Variants in CCDC171 observed in about 807,000 individuals in gnomAD.
CCDC171 encodes coiled-coil domain-containing protein 171.
A neutral mutation model predicts 168.2 loss-of-function variants in CCDC171; 177 were observed. The ratio of observed to expected loss-of-function variants is 1.05; its 90% confidence interval spans 0.93 to 1.19. The LOEUF is 1.19. Among genes scored for constraint, CCDC171 ranks in the 50% most tolerant of loss-of-function variants. The pLI, the probability that CCDC171 is intolerant of heterozygous loss-of-function variation, is 0.00. For synonymous variants in CCDC171, 687 were observed against 540.8 expected, an observed-to-expected ratio of 1.27 and a Z score of -3.75; for missense variants, 1,991 against 1,539.0, an observed-to-expected ratio of 1.29 and a Z score of -4.91.
At chr9:15,913,092 G>C (rs114536933) in intron 24 of CCDC171, among the ~76,000 whole-genome samples, 3,689 of 152,224 alleles carry the variant, frequency 0.024, 158 homozygotes, top group African/African-American at 0.085. Context: ...TCTCTTGTTT[G>C]GAATAGTTTC....
intron 3 of CCDC171, among the ~76,000 whole-genome samples, chr9:15,997,459 G>T (rs889532808): frequency 1.3e-5 from 2 of 152,160 alleles, no homozygotes; most frequent in African/African-American, 2.4e-5. Flanking sequence ...GTTGAAGGGA[G>T]TTCAGAGTGG....
intron 1 of CCDC171, among the ~76,000 whole-genome samples, chr9:16,059,807 C>T (rs868513771): frequency 8.6e-5 from 13 of 151,600 alleles, no homozygotes; most frequent in African/African-American, 2.4e-4. Flanking sequence ...AGCCACCGCG[C>T]CTGGCCTTTT....
intron 4 of CCDC171, among the ~76,000 whole-genome samples, chr9:15,591,060 G>A (rs1011401755): frequency 6.6e-6 from 1 of 151,926 alleles, no homozygotes; most frequent in Non-Finnish European, 1.5e-5. Context: ...GTTGCAGCTG[G>A]TGCTAGAAGT....
intron 3 of CCDC171, among the ~76,000 whole-genome samples, chr9:15,983,220 C>T (rs1219409640): frequency 6.6e-6 from 1 of 152,042 alleles, no homozygotes; most frequent in Non-Finnish European, 1.5e-5. Context: ...TTATACCCTC[C>T]TGCTTAATCT....
At chr9:15,825,289 A>G (rs2059965585) in intron 21 of CCDC171, among the ~76,000 whole-genome samples, 1 of 152,130 alleles carries the variant, frequency 6.6e-6, no homozygotes, top group African/African-American at 2.4e-5. Context: ...CAGACAATGC[A>G]TAGATCAATA....
At position 15,973,236 on chromosome 9, in the gene CCDC171, T is replaced by C. The variant is rs536424987; in HGVS notation, c.*1400T>C. The C allele has an allele frequency of 6.6e-6, 1 of 152,324 alleles. No homozygotes were observed. Among genetic ancestry groups the C allele is most frequent in the African/African-American group, 2.4e-5 (1 of 41,572 alleles). The allele number at this position is 152,324 out of a possible 1,614,324, so 9.4% of individuals were successfully genotyped here. On this transcript the variant is annotated 3_prime_UTR_variant, in exon 26 of 26. Coordinates refer to ENST00000380701, the MANE Select transcript of CCDC171 (RefSeq NM_173550.4). ...TTTGACAAAGAGTCTTGATACATAA[T>C]CTATTTTTTATATTATTTTTCATTA... is the stretch of plus-strand genomic sequence containing the variant.
chr9:15,949,955 C>A (rs1828918265), intron 25 of CCDC171, among the ~76,000 whole-genome samples: 1 of 151,992 alleles, frequency 6.6e-6, no homozygotes, highest in African/African-American at 2.4e-5. Flanking sequence ...TCATAGATAG[C>A]TCTTATTATT....
intron 3 of CCDC171, among the ~76,000 whole-genome samples, chr9:15,997,973 A>G (rs1446320681): frequency 1.3e-5 from 2 of 152,178 alleles, no homozygotes; most frequent in Admixed American, 6.5e-5. Context: ...GAGCCTGGAC[A>G]CAAGGAATTC....
At chr9:15,812,836 C>A (rs1278914186) in intron 21 of CCDC171, among the ~76,000 whole-genome samples, 1 of 152,200 alleles carries the variant, frequency 6.6e-6, no homozygotes, top group Non-Finnish European at 1.5e-5. Context: ...TGTGCGTTCC[C>A]TGTCCCCACT....
At chr9:15,927,519 G>C (rs1420163738) in intron 25 of CCDC171, among the ~76,000 whole-genome samples, 3 of 151,670 alleles carry the variant, frequency 2.0e-5, no homozygotes, top group Admixed American at 6.6e-5. Context: ...CATTTCCACT[G>C]TATGTTTAAG....
At chr9:15,568,918 A>G (rs1029005163) in intron 2 of CCDC171, among the ~76,000 whole-genome samples, 4 of 152,032 alleles carry the variant, frequency 2.6e-5, no homozygotes, top group South Asian at 2.1e-4. Context: ...CCATTGGTCA[A>G]TTTTTGCTTT....
chr9:16,002,185 CT>C (rs1382258021), intron 3 of CCDC171, among the ~76,000 whole-genome samples: 11 of 93,812 alleles, frequency 1.2e-4, no homozygotes, highest in Admixed American at 2.1e-4. Flanking sequence ...ACTCCTTTTA[CT>C]TTTTTTTTTA....
chr9:15,668,186 C>T (rs2048865124), intron 9 of CCDC171, among the ~76,000 whole-genome samples: 1 of 152,088 alleles, frequency 6.6e-6, no homozygotes, highest in Non-Finnish European at 1.5e-5. Context: ...CTAGTGAGTT[C>T]CCTGCCTTGG....
downstream of CCDC171, among the ~76,000 whole-genome samples, chr9:16,064,576 G>C (rs893916330): frequency 6.6e-6 from 1 of 152,184 alleles, no homozygotes; most frequent in African/African-American, 2.4e-5. Context: ...AGATCTGCCT[G>C]GTGAGCTGTC....
the CCDC171 span, among the ~76,000 whole-genome samples, chr9:16,070,667 C>T: frequency 2.0e-5 from 3 of 152,110 alleles, no homozygotes; most frequent in Admixed American, 1.3e-4. Flanking sequence ...AGAGAGGAGC[C>T]GCCTGGTTTC....
chr9:15,998,221 G>A (rs901360877), intron 3 of CCDC171, among the ~76,000 whole-genome samples: 1 of 152,164 alleles, frequency 6.6e-6, no homozygotes, highest in Non-Finnish European at 1.5e-5. Flanking sequence ...GTGCCATACA[G>A]AGCTGTCTAA....
rs532411435 is a variant in CCDC171, at chr9:15,846,551, A to T, written c.3268-151A>T. On this transcript the variant is annotated intron_variant, in intron 21 of 25. Coordinates refer to ENST00000380701, the MANE Select transcript of CCDC171 (RefSeq NM_173550.4). The stretch of plus-strand genomic sequence containing the variant: ...CATTTCTAATTAGTACGTATATAAA[A>T]TTTTTGCAGAAAATTTGTTAAACTT... The T allele has an allele frequency of 5.6e-5, 35 of 626,770 alleles. No homozygotes were observed. The Admixed American group carries it at 5.9e-4, about 11-fold the overall frequency. 38.8% of individuals were successfully genotyped at this position (626,770 alleles called of 1,614,324 possible). A position where few individuals can be genotyped will look rare whatever the true frequency, so the allele number is the denominator to read the frequency against.
chr9:15,622,943 A>G (rs933857103), intron 6 of CCDC171, among the ~76,000 whole-genome samples: 3 of 152,218 alleles, frequency 2.0e-5, no homozygotes, highest in Non-Finnish European at 4.4e-5. Context: ...AGAAGGGGAA[A>G]CATAATATAT....
chr9:15,984,710 C>G (rs1449405871), intron 3 of CCDC171, among the ~76,000 whole-genome samples: 7 of 151,994 alleles, frequency 4.6e-5, no homozygotes, highest in South Asian at 4.1e-4. Flanking sequence ...TTACAAAGTT[C>G]TCATGATTTG....
Sources: gnomAD v4.1 joint callset for allele counts (sites outside exome capture counted in the v4.1 genomes callset) on GRCh38, gnomAD v4.1.1 for gene constraint, MANE v1.5 for transcripts, NCBI Gene and HGNC (gene_info 2026-07-23, HGNC 2026-07-21) for gene names.